CXCR5: variants seen among roughly 807,000 people sequenced by gnomAD.
CXCR5 encodes the protein C-X-C chemokine receptor type 5.
Under a neutral mutation model 5.6 loss-of-function variants are expected in CXCR5, and 3 were observed. The ratio of observed to expected loss-of-function variants is 0.54; its 90% CI spans 0.24 to 1.39. The LOEUF (loss-of-function observed/expected upper bound fraction) is 1.39. Among genes scored for constraint, CXCR5 ranks in the 40% most tolerant of loss-of-function variants. The pLI is 0.16. For missense variants in CXCR5, 333 were observed against 494.6 expected, an observed-to-expected ratio of 0.67 and a Z score of 3.10; for synonymous variants, 218 against 219.9, an observed-to-expected ratio of 0.99 and a Z score of 0.08.
At chr11:118,886,519 G>T (rs1184371299) in intron 1 of CXCR5, 3 of 373,982 alleles carry the variant, frequency 8.0e-6, no homozygotes, top group Non-Finnish European at 1.5e-5. Context: ...TCAATGAAAG[G>T]TCCAAATAGA....
At position 118,893,262 on chromosome 11, in the gene CXCR5, C is replaced by A; in HGVS notation, c.52-334C>A. The A allele has an allele frequency of 2.7e-6, 1 of 366,768 alleles. No individual in the cohort carries two copies. The highest frequency in any genetic ancestry group is 3.8e-6 in the Non-Finnish European group (1 of 265,074). 22.7% of individuals were successfully genotyped at this position (366,768 alleles called of 1,614,324 possible). On this transcript the variant is annotated intron_variant, in intron 1 of 1. Coordinates refer to ENST00000292174, the MANE Select transcript of CXCR5 (RefSeq NM_001716.5). The surrounding 1 kb of genome is among the most constrained non-coding windows in gnomAD (Gnocchi z 5.7). Reference sequence around the variant, plus strand: ...CAGGTCCATTCCCCAAATTGAAGTCCTGTGACTCCAGCCGCCAAGGCTGCA... The same window carrying A: ...CAGGTCCATTCCCCAAATTGAAGTCATGTGACTCCAGCCGCCAAGGCTGCA...
chr11:118,883,991 T>G lies in CXCR5; in HGVS notation c.50T>G (p.Leu17Arg). Residue 17 changes from leucine (L) to arginine (R), a missense_variant and splice_region_variant, in exon 1 of 2, where the codon CTG (leucine) becomes CGG (arginine). Transcript: ENST00000292174. ...ATGGACCTCGAGAACCTGGAGGACC[T>G]GGTGAGTAGACACGGGTAGCTTCCT... is the stretch of plus-strand genomic sequence containing the variant. ...LEMDLENLEDLFWELDRLDNY... is the reference protein window; with the variant it reads ...LEMDLENLEDRFWELDRLDNY... The G allele has an allele frequency of 6.2e-7, 1 of 1,612,610 alleles. No homozygotes were observed. The highest frequency in any genetic ancestry group is 8.5e-7 in the Non-Finnish European group (1 of 1,179,202).
rs1374893441 is a variant in CXCR5, at chr11:118,896,120, CAA to C, written c.*1459_*1460del. The C allele has an allele frequency of 6.0e-6, 1 of 166,936 alleles. No homozygotes were observed. Among genetic ancestry groups the C allele is most frequent in the Non-Finnish European group, 1.5e-5 (1 of 68,118 alleles). 10.3% of individuals were successfully genotyped at this position (166,936 alleles called of 1,614,324 possible). A position where few individuals can be genotyped will look rare whatever the true frequency, so the allele number is the denominator to read the frequency against. On this transcript the variant is annotated 3_prime_UTR_variant, in exon 2 of 2. Coordinates refer to ENST00000292174, the MANE Select transcript of CXCR5 (RefSeq NM_001716.5). ...TCGATGGGGGAGTCTGAAGCAGATG[CAA>C]AGAGGCAAGAGGCTGGATTTTGAAT...
chr11:118,893,616 G>A lies in CXCR5; in HGVS notation c.72G>A (p.Leu24=). ...LEDLFWELDR[L]DNYNDTSLVE... ...TGCAGTTCTGGGAACTGGACAGATT[G>A]GACAACTATAACGACACCTCCCTGG... The change falls in exon 2 of 2, where the codon TTG becomes TTA. Residue 24 remains leucine, a synonymous_variant. Transcript: ENST00000292174. This position sits in a 1 kb window ranked among gnomAD's most constrained non-coding sequence, Gnocchi z 5.7. 6.3e-7 allele frequency: 1 copy of A among 1,599,886 alleles called. No individual in the cohort carries two copies. Among genetic ancestry groups the A allele is most frequent in the African/African-American group, 1.3e-5 (1 of 74,776 alleles).
At chr11:118,886,849 A>G (rs1378426662) in intron 1 of CXCR5, 1 of 164,700 alleles carries the variant, frequency 6.1e-6, no homozygotes, top group East Asian at 1.8e-4. Context: ...ATTACCACAC[A>G]TCATGACTTC....
At chr11:118,887,537 G>A in intron 1 of CXCR5, 1 of 657,476 alleles carries the variant, frequency 1.5e-6, no homozygotes, top group South Asian at 6.8e-5. Context: ...AAACCCGTGG[G>A]TAGAGATGAA....
Position 118,893,727 on chromosome 11 carries a change from C to A in CXCR5, c.183C>A (p.Ile61=). ...TCGTGCCCGTGGCCTACAGCCTCAT[C>A]TTCCTCCTGGGCGTGATCGGCAACG... ...AVFVPVAYSL[I]FLLGVIGNVL... The change falls in exon 2 of 2, where the codon ATC becomes ATA. Residue 61 remains isoleucine, a synonymous_variant. Coordinates refer to ENST00000292174, the MANE Select transcript of CXCR5 (RefSeq NM_001716.5). The surrounding 1 kb of genome is among the most constrained non-coding windows in gnomAD (Gnocchi z 5.7). The A allele has an allele frequency of 8.1e-6, 13 of 1,614,232 alleles. No individual in the cohort carries two copies. Among genetic ancestry groups the A allele is most frequent in the Non-Finnish European group, 1.1e-5 (13 of 1,180,034 alleles).
Position 118,897,713 on chromosome 11 carries a change from G to A in CXCR5, c.*3050G>A. On this transcript the variant is annotated 3_prime_UTR_variant, in exon 2 of 2. Transcript: ENST00000292174. ...GCATGTCCCTGGGTCCAGGGGAATG[G>A]AGGGAGCAATAACTTGAAGAAGGGG... is the stretch of plus-strand genomic sequence containing the variant. 2.2e-6 allele frequency: 1 copy of A among 448,396 alleles called. No individual in the cohort carries two copies. The highest frequency in any genetic ancestry group is 4.5e-6 in the Non-Finnish European group (1 of 224,538). The allele number at this position is 448,396 out of a possible 1,614,324, so 27.8% of individuals were successfully genotyped here. A position where few individuals can be genotyped will look rare whatever the true frequency, so the allele number is the denominator to read the frequency against.
Position 118,893,677 on chromosome 11 carries a change from C to T in CXCR5, c.133C>T (p.Leu45Phe). ...TCTCTGCCCTGCCACAGAGGGGCCC[C>T]TCATGGCCTCCTTCAAGGCCGTGTT... ...NHLCPATEGPLMASFKAVFVP... is the reference protein window; with the variant it reads ...NHLCPATEGPFMASFKAVFVP... The change falls in exon 2 of 2, where the codon CTC becomes TTC. Residue 45 changes from leucine to phenylalanine, a missense_variant. Transcript: ENST00000292174. The surrounding 1 kb of genome is among the most constrained non-coding windows in gnomAD (Gnocchi z 5.7). 6.2e-7 allele frequency: 1 copy of T among 1,614,074 alleles called. No individual in the cohort carries two copies. Among genetic ancestry groups the T allele is most frequent in the Non-Finnish European group, 8.5e-7 (1 of 1,179,934 alleles).
At position 118,883,995 on chromosome 11, in the gene CXCR5, G is replaced by C; in HGVS notation, c.51+3G>C. The C allele has an allele frequency of 6.2e-7, 1 of 1,612,560 alleles. No individual in the cohort carries two copies. The highest frequency in any genetic ancestry group is 8.5e-7 in the Non-Finnish European group (1 of 1,179,200). On this transcript the variant is annotated splice_donor_region_variant and intron_variant, in intron 1 of 1. Coordinates refer to ENST00000292174, the MANE Select transcript of CXCR5 (RefSeq NM_001716.5). ...ACCTCGAGAACCTGGAGGACCTGGT[G>C]AGTAGACACGGGTAGCTTCCTGTCG...
Position 118,893,099 on chromosome 11 carries a change from T to G in CXCR5, c.52-497T>G, listed in dbSNP as rs1199764071. Among the ~76,000 whole-genome samples the G allele has an allele frequency of 6.6e-6, 1 of 152,022 alleles. No individual in the cohort carries two copies. Among genetic ancestry groups the G allele is most frequent in the Non-Finnish European group, 1.5e-5 (1 of 68,014 alleles). On this transcript the variant is annotated intron_variant, in intron 1 of 1. Coordinates refer to ENST00000292174, the MANE Select transcript of CXCR5 (RefSeq NM_001716.5). The surrounding 1 kb of genome is among the most constrained non-coding windows in gnomAD (Gnocchi z 5.7). ...GCCATTTCAGTGATAACAGAGACAG[T>G]CAGGAACAGGAAGACCCATGAGGAG...
chr11:118,888,695 G>A (rs1002817151), intron 1 of CXCR5, among the ~76,000 whole-genome samples: 3 of 152,232 alleles, frequency 2.0e-5, no homozygotes, highest in African/African-American at 7.2e-5. Context: ...CCCTGGACGG[G>A]TAATGTTTTA....
rs534286941 is a variant in CXCR5 at position 118,897,708 on chromosome 11, G to A, written c.*3045G>A. 8 of 446,980 alleles carry A rather than the reference G, an allele frequency of 1.8e-5. No homozygotes were observed. Among genetic ancestry groups the A allele is most frequent in the South Asian group, 1.1e-4 (7 of 63,174 alleles). 27.7% of individuals were successfully genotyped at this position (446,980 alleles called of 1,614,324 possible). A position where few individuals can be genotyped will look rare whatever the true frequency, so the allele number is the denominator to read the frequency against. On this transcript the variant is annotated 3_prime_UTR_variant, in exon 2 of 2. Coordinates refer to ENST00000292174, the MANE Select transcript of CXCR5 (RefSeq NM_001716.5). ...GGGCTGCATGTCCCTGGGTCCAGGG[G>A]AATGGAGGGAGCAATAACTTGAAGA...
rs1037565764 is a variant in CXCR5 at position 118,895,874 on chromosome 11, G to A, written c.*1211G>A. On this transcript the variant is annotated 3_prime_UTR_variant, in exon 2 of 2. Transcript: ENST00000292174. This position sits in a 1 kb window ranked among gnomAD's most constrained non-coding sequence, Gnocchi z 4.2. The stretch of plus-strand genomic sequence containing the variant: ...CACCTGGGGTGTGGGAGGCCCGTCC[G>A]GCAGTTCTGGGTGCTCCCTACCACC... 6.6e-5 allele frequency: 11 copies of A among 167,212 alleles called. No individual in the cohort carries two copies. The highest frequency in any genetic ancestry group is 2.1e-4 in the South Asian group (1 of 4,820). 10.4% of individuals were successfully genotyped at this position (167,212 alleles called of 1,614,324 possible).
intron 1 of CXCR5, among the ~76,000 whole-genome samples, chr11:118,884,250 C>T (rs1217604556): frequency 6.6e-6 from 1 of 152,224 alleles, no homozygotes; most frequent in Non-Finnish European, 1.5e-5. Context: ...CCTGCATCCT[C>T]CTCTGAGTTG....
chr11:118,888,954 A>G (rs1939765375), intron 1 of CXCR5, among the ~76,000 whole-genome samples: 1 of 152,178 alleles, frequency 6.6e-6, no homozygotes, highest in South Asian at 2.1e-4. Flanking sequence ...AGTGCTGGGC[A>G]GTGGGGCAGC....
intron 1 of CXCR5, among the ~76,000 whole-genome samples, chr11:118,887,932 G>A (rs1443639057): frequency 1.3e-5 from 2 of 152,224 alleles, no homozygotes; most frequent in Non-Finnish European, 2.9e-5. Context: ...CTGGGGTTCG[G>A]CCTGAGTAAG....
Position 118,894,512 on chromosome 11 carries a change from C to A in CXCR5, c.968C>A (p.Thr323Asn), listed in dbSNP as rs1939868404. ...AHCCLNPMLY[T>N]FAGVKFRSDL... Reference sequence around the variant, plus strand: ...TGCTGCCTCAACCCCATGCTCTACACTTTCGCCGGCGTGAAGTTCCGCAGT... The same window carrying A: ...TGCTGCCTCAACCCCATGCTCTACAATTTCGCCGGCGTGAAGTTCCGCAGT... Residue 323 changes from threonine to asparagine, a missense_variant, in exon 2 of 2, where the codon ACT becomes AAT. Transcript: ENST00000292174. The surrounding 1 kb of genome is among the most constrained non-coding windows in gnomAD (Gnocchi z 6.1). The A allele has an allele frequency of 6.3e-7, 1 of 1,594,486 alleles. No homozygotes were observed.
rs182056915 is a variant in CXCR5 at position 118,897,601 on chromosome 11, C to T, written c.*2938C>T. On this transcript the variant is annotated 3_prime_UTR_variant, in exon 2 of 2. Transcript: ENST00000292174. ...CCTCAGTTTAGGAGTGGGTCATTTA[C>T]GTCATCTTACCATTTGGGGACGAGA... The T allele has an allele frequency of 7.3e-4, 263 of 362,522 alleles. 1 individual carries two copies. The highest frequency in any genetic ancestry group is 5.0e-3 in the African/African-American group (234 of 46,856). 22.5% of individuals were successfully genotyped at this position (362,522 alleles called of 1,614,324 possible).
Sources: allele counts gnomAD v4.1 joint callset (sites outside exome capture counted in the v4.1 genomes callset), GRCh38; gene constraint gnomAD v4.1.1; non-coding constraint Gnocchi (gnomAD v3.1); transcripts MANE v1.5; gene names NCBI Gene and HGNC (gene_info 2026-07-23, HGNC 2026-07-21).